The following XKR9 variants were observed in gnomAD, a reference collection of about 807,000 sequenced individuals.
The protein encoded by XKR9 is XK-related protein 9.
A neutral mutation model predicts 32.0 loss-of-function variants in XKR9; 32 were observed. The ratio of observed to expected loss-of-function variants is 1.00; its 90% CI spans 0.76 to 1.34. The LOEUF (loss-of-function observed/expected upper bound fraction) is 1.34. Ranked by LOEUF, XKR9 falls within the 40% of genes most tolerant of loss-of-function variation. XKR9 has a pLI of 0.00. For missense variants in XKR9, 546 were observed against 429.7 expected (o/e 1.27, Z -2.39); for synonymous variants, 168 against 143.4 (o/e 1.17, Z -1.22).
At chr8:70,805,395 G>A in the XKR9 span, among the ~76,000 whole-genome samples, 3 of 152,214 alleles carry the variant, frequency 2.0e-5, no homozygotes, top group Non-Finnish European at 4.4e-5. Flanking sequence ...AGCTCCCGGG[G>A]GGAGGGGTGA....
chr8:71,000,527 A>G, the XKR9 span, among the ~76,000 whole-genome samples: 1 of 152,308 alleles, frequency 6.6e-6, no homozygotes, highest in Admixed American at 6.5e-5. Flanking sequence ...GATAGATTCT[A>G]AAAAAACAAA....
chr8:71,054,125 CAAAG>C, the XKR9 span, among the ~76,000 whole-genome samples: 4,855 of 152,180 alleles, frequency 0.032, 248 homozygotes, highest in African/African-American at 0.11. Flanking sequence ...CCAATCAAAA[CAAAG>C]AATCACAAAA....
chr8:70,880,032 T>G, the XKR9 span, among the ~76,000 whole-genome samples: 1 of 152,180 alleles, frequency 6.6e-6, no homozygotes, highest in Admixed American at 6.5e-5. Context: ...GCCACACAAT[T>G]ATCTCAATAG....
downstream of XKR9, among the ~76,000 whole-genome samples, chr8:70,791,716 G>A (rs1267485925): frequency 6.6e-6 from 1 of 151,960 alleles, no homozygotes; most frequent in East Asian, 1.9e-4. Context: ...CCAGCCTCCA[G>A]AACTGTGAGC....
the XKR9 span, among the ~76,000 whole-genome samples, chr8:70,805,874 T>G: frequency 6.6e-6 from 1 of 152,078 alleles, no homozygotes; most frequent in Admixed American, 6.5e-5. Context: ...TTCCCCCTAG[T>G]GAAGCACACC....
At chr8:70,990,733 AAGAG>A in the XKR9 span, among the ~76,000 whole-genome samples, 29,390 of 143,038 alleles carry the variant, frequency 0.21, 2,898 homozygotes, top group Middle Eastern at 0.29. Context: ...TTGGCAGAAT[AAGAG>A]AGAGAGAGAG....
At chr8:70,877,679 C>T in the XKR9 span, among the ~76,000 whole-genome samples, 1 of 152,164 alleles carries the variant, frequency 6.6e-6, no homozygotes, top group African/African-American at 2.4e-5. Context: ...ACCAAATCTA[C>T]ATTTGATTGG....
At chr8:70,967,259 C>T in the XKR9 span, among the ~76,000 whole-genome samples, 25 of 151,892 alleles carry the variant, frequency 1.6e-4, no homozygotes, top group African/African-American at 2.7e-4. Context: ...TTAGTAGAGA[C>T]GGGGTTTCAC....
chr8:70,771,553 A>T (rs955233747), intron 2 of XKR9, among the ~76,000 whole-genome samples: 1 of 152,218 alleles, frequency 6.6e-6, no homozygotes, highest in Non-Finnish European at 1.5e-5. Flanking sequence ...GGAATGTAAA[A>T]GGGACAGGCC....
the XKR9 span, among the ~76,000 whole-genome samples, chr8:70,856,182 C>A: frequency 3.3e-5 from 5 of 152,100 alleles, no homozygotes; most frequent in Non-Finnish European, 1.5e-5. Flanking sequence ...CACAGACTGG[C>A]AAATTGGATA....
rs549128625 is a variant in XKR9 at position 70,679,052 on chromosome 8, G to A, written c.-278-1729G>A. Reference sequence around the variant, plus strand: ...CATTGTGCCAGCAGGGTTGGTTTCTGGTGAGGTTCTCTCTCCTTGGGTTAC... The same window carrying A: ...CATTGTGCCAGCAGGGTTGGTTTCTAGTGAGGTTCTCTCTCCTTGGGTTAC... On this transcript the variant is annotated intron_variant, in intron 2 of 4. Coordinates refer to ENST00000408926, the MANE Select transcript of XKR9 (RefSeq NM_001011720.2). Among the ~76,000 whole-genome samples the A allele has an allele frequency of 1.3e-4, 20 of 152,260 alleles. No homozygotes were observed. In the South Asian group the frequency reaches 3.9e-3, roughly 30 times the overall value.
At chr8:70,764,982 C>T (rs143480101) in intron 2 of XKR9, among the ~76,000 whole-genome samples, 1 of 152,228 alleles carries the variant, frequency 6.6e-6, no homozygotes, top group South Asian at 2.1e-4. Context: ...TTTCTTTATC[C>T]AGTCTATCAT....
chr8:70,912,007 G>C, the XKR9 span, among the ~76,000 whole-genome samples: 1 of 152,160 alleles, frequency 6.6e-6, no homozygotes, highest in Non-Finnish European at 1.5e-5. Context: ...CTGAAAGATG[G>C]ATATGAATTA....
chr8:70,813,578 C>T, the XKR9 span, among the ~76,000 whole-genome samples: 5 of 152,106 alleles, frequency 3.3e-5, no homozygotes, highest in African/African-American at 9.7e-5. Context: ...CTACAATGAA[C>T]TCAAACAAAT....
chr8:70,709,512 A>G, intron 4 of XKR9, among the ~76,000 whole-genome samples: 1 of 152,128 alleles, frequency 6.6e-6, no homozygotes, highest in Non-Finnish European at 1.5e-5. Flanking sequence ...AAGTAAAACT[A>G]TCCCTGTTTG....
the XKR9 span, among the ~76,000 whole-genome samples, chr8:70,863,800 A>G: frequency 5.9e-3 from 892 of 152,286 alleles, 12 homozygotes; most frequent in African/African-American, 0.021. Flanking sequence ...AGAAATATAG[A>G]GAACAACCAT....
At chr8:70,733,066 C>T (rs1402091344) in intron 4 of XKR9, among the ~76,000 whole-genome samples, 4 of 152,204 alleles carry the variant, frequency 2.6e-5, no homozygotes, top group African/African-American at 9.6e-5. Context: ...AACATTGCAC[C>T]ACTGCACTCC....
At position 70,770,335 on chromosome 8, in the gene XKR9, C is replaced by T. The variant is rs927207193; in HGVS notation, n.353-19004C>T. ...TGGAATCTTCATCCCAGAGGAGCAC[C>T]CGCCAGATGCCATTTGGAGCTCTTC... On this transcript the variant is annotated intron_variant and non_coding_transcript_variant, in intron 2 of 3. Transcript: ENST00000520273. Among the ~76,000 whole-genome samples the T allele has an allele frequency of 1.2e-4, 18 of 152,206 alleles. 1 individual carries two copies. The highest frequency in any genetic ancestry group is 8.5e-4 in the Admixed American group (13 of 15,282).
chr8:70,878,268 G>A, the XKR9 span, among the ~76,000 whole-genome samples: 3 of 152,076 alleles, frequency 2.0e-5, no homozygotes, highest in East Asian at 1.9e-4. Context: ...AATAACCAGC[G>A]AACATCATAA....
Sources: allele counts gnomAD v4.1 joint callset (sites outside exome capture counted in the v4.1 genomes callset), GRCh38; gene constraint gnomAD v4.1.1; transcripts MANE v1.5; gene names NCBI Gene and HGNC (gene_info 2026-07-23, HGNC 2026-07-21).